Variants in APBA1 observed in about 807,000 individuals in gnomAD.
The protein encoded by APBA1 is amyloid-beta A4 precursor protein-binding family A member 1.
Under a neutral mutation model 86.6 loss-of-function variants are expected in APBA1, and 55 were observed. The observed-to-expected ratio is 0.64, with a 90% confidence interval of 0.51 to 0.80. The LOEUF is 0.80. Ranked by LOEUF, APBA1 falls within the 30% of genes least tolerant of loss-of-function variation. APBA1 has a pLI of 0.00. For missense variants in APBA1, 1,090 were observed against 1,183.0 expected, an observed-to-expected ratio of 0.92 and a Z score of 1.15; for synonymous variants, 511 against 493.9, an observed-to-expected ratio of 1.03 and a Z score of -0.46.
At chr9:69,570,934 G>A (rs1837105631) in intron 1 of APBA1, among the ~76,000 whole-genome samples, 2 of 152,114 alleles carry the variant, frequency 1.3e-5, no homozygotes, top group African/African-American at 2.4e-5. Flanking sequence ...CAAGAACAAC[G>A]TCAGCCTAAT....
intron 2 of APBA1, among the ~76,000 whole-genome samples, chr9:69,511,847 C>G (rs1836049054): frequency 6.6e-6 from 1 of 151,614 alleles, no homozygotes; most frequent in Non-Finnish European, 1.5e-5. Flanking sequence ...ACCGCATATT[C>G]TCACTCATAG....
At chr9:69,459,006 C>G (rs1835147396) in intron 5 of APBA1, among the ~76,000 whole-genome samples, 1 of 152,086 alleles carries the variant, frequency 6.6e-6, no homozygotes, top group Non-Finnish European at 1.5e-5. Context: ...TGGGGTTTCT[C>G]CATGTTGGCC....
At chr9:69,527,694 A>G (rs1836365936) in intron 1 of APBA1, among the ~76,000 whole-genome samples, 1 of 152,130 alleles carries the variant, frequency 6.6e-6, no homozygotes, top group Non-Finnish European at 1.5e-5. Context: ...AATCCCTTTT[A>G]GAATAGTCAC....
At chr9:69,643,465 G>A (rs1011293694) in intron 1 of APBA1, among the ~76,000 whole-genome samples, 7 of 152,142 alleles carry the variant, frequency 4.6e-5, no homozygotes, top group African/African-American at 1.7e-4. Context: ...CTGGGCCTCA[G>A]GAAGCTTTGG....
chr9:69,656,802 A>G (rs1211372825), intron 1 of APBA1, among the ~76,000 whole-genome samples: 1 of 151,566 alleles, frequency 6.6e-6, no homozygotes, highest in Admixed American at 6.6e-5. Context: ...TGTGACTAGT[A>G]GTCAAACTTT....
At chr9:69,440,346 G>C (rs547005907) in intron 11 of APBA1, among the ~76,000 whole-genome samples, 12 of 152,292 alleles carry the variant, frequency 7.9e-5, no homozygotes, top group Admixed American at 7.2e-4. Context: ...AGAGGTTACT[G>C]CTGCCTTTTG....
chr9:69,597,325 T>C (rs1822247747), intron 1 of APBA1, among the ~76,000 whole-genome samples: 1 of 152,206 alleles, frequency 6.6e-6, no homozygotes, highest in Non-Finnish European at 1.5e-5. Context: ...TTTTGAGAAG[T>C]GTCTGTTCAT....
chr9:69,471,611 A>T, intron 4 of APBA1, 45 bp downstream of exon 4: 5 of 1,554,524 alleles, frequency 3.2e-6, no homozygotes, highest in Non-Finnish European at 4.4e-6. Flanking sequence ...ATGCTAAAAG[A>T]TTCATGAATG....
intron 10 of APBA1, among the ~76,000 whole-genome samples, chr9:69,448,014 C>A (rs1196878283): frequency 1.3e-5 from 2 of 151,672 alleles, no homozygotes; most frequent in Non-Finnish European, 2.9e-5. Flanking sequence ...CCTAGCCCCA[C>A]CCCCCCGCTT....
At chr9:69,559,243 T>G (rs1836911338) in intron 1 of APBA1, among the ~76,000 whole-genome samples, 1 of 152,124 alleles carries the variant, frequency 6.6e-6, no homozygotes, top group Non-Finnish European at 1.5e-5. Flanking sequence ...ATATTCTTTC[T>G]GGGGGGTAGG....
At chr9:69,545,788 G>C (rs552617993) in intron 1 of APBA1, among the ~76,000 whole-genome samples, 2 of 152,064 alleles carry the variant, frequency 1.3e-5, no homozygotes, top group African/African-American at 4.8e-5. Context: ...TCTCATTTTG[G>C]CTCAGATGTG....
intron 1 of APBA1, among the ~76,000 whole-genome samples, chr9:69,574,707 T>G (rs1228722972): frequency 6.6e-6 from 1 of 152,178 alleles, no homozygotes; most frequent in Non-Finnish European, 1.5e-5. Context: ...GATCCATTTA[T>G]TTTCTTTCAT....
intron 1 of APBA1, among the ~76,000 whole-genome samples, chr9:69,666,257 C>G (rs892699901): frequency 1.3e-5 from 2 of 152,124 alleles, no homozygotes; most frequent in Non-Finnish European, 2.9e-5. Flanking sequence ...TCTTATCCAG[C>G]CTTTTCATTT....
At chr9:69,471,823 G>A in intron 3 of APBA1, 128 bp from the exon 4 acceptor site, 1 of 731,210 alleles carries the variant, frequency 1.4e-6, no homozygotes, top group Non-Finnish European at 2.3e-6. Context: ...ATCATTTTTA[G>A]TTAGAGAAAG....
chr9:69,440,853 A>G (rs1834807009), intron 11 of APBA1, 143 bp downstream of exon 11: 6 of 1,115,384 alleles, frequency 5.4e-6, no homozygotes, highest in Non-Finnish European at 7.7e-6. Context: ...AAATGCAGAA[A>G]TTACCCGTCT....
chr9:69,523,495 A>ATATATGTG (rs1333051495), intron 1 of APBA1, among the ~76,000 whole-genome samples: 1 of 14,834 alleles, frequency 6.7e-5, no homozygotes, highest in East Asian at 6.8e-3. Flanking sequence ...ATATATATAT[A>ATATATGTG]TGTATATATA....
chr9:69,580,954 G>A (rs557760149), intron 1 of APBA1, among the ~76,000 whole-genome samples: 38 of 152,080 alleles, frequency 2.5e-4, no homozygotes, highest in Non-Finnish European at 5.3e-4. Context: ...ATTCTGACCT[G>A]GATCCATCTT....
intron 1 of APBA1, among the ~76,000 whole-genome samples, chr9:69,552,404 G>A (rs1377911091): frequency 2.6e-5 from 4 of 152,170 alleles, no homozygotes; most frequent in South Asian, 4.1e-4. Context: ...TGTCCTGCAC[G>A]AAAATCAATT....
intron 1 of APBA1, among the ~76,000 whole-genome samples, chr9:69,665,128 A>C (rs1433938084): frequency 6.6e-6 from 1 of 152,150 alleles, no homozygotes; most frequent in Non-Finnish European, 1.5e-5. Flanking sequence ...GCCCTAAAGT[A>C]CTGAAGATTT....
Sources: gnomAD v4.1 joint callset for allele counts (sites outside exome capture counted in the v4.1 genomes callset) on GRCh38, gnomAD v4.1.1 for gene constraint, MANE v1.5 for transcripts, NCBI Gene and HGNC (gene_info 2026-07-23, HGNC 2026-07-21) for gene names.